The following NCAPD3 variants were observed in gnomAD, a reference collection of about 807,000 sequenced individuals.
The protein encoded by NCAPD3 is condensin-2 complex subunit D3.
NCAPD3 carries 105 observed loss-of-function variants against 182.9 expected under a neutral mutation model. That is an observed-to-expected ratio of 0.57 (90% CI 0.49 to 0.68). NCAPD3 has a LOEUF of 0.68. Among genes scored for constraint, NCAPD3 ranks in the 30% least tolerant of loss-of-function variants. The probability of loss-of-function intolerance (pLI) is 0.00; values close to 1 mark genes in which losing one functional copy is unlikely to be tolerated. For missense variants in NCAPD3, 1,944 were observed against 1,837.0 expected, an observed-to-expected ratio of 1.06 and a Z score of -1.07; for synonymous variants, 815 against 679.9, an observed-to-expected ratio of 1.20 and a Z score of -3.09.
chr11:134,188,267 T>C (rs1944452643), intron 16 of NCAPD3, among the ~76,000 whole-genome samples: 1 of 151,754 alleles, frequency 6.6e-6, no homozygotes, highest in Non-Finnish European at 1.5e-5. Flanking sequence ...AATGTACCAA[T>C]CAGCACTCTG....
At chr11:134,222,874 C>G (rs1938286285) in intron 1 of NCAPD3, among the ~76,000 whole-genome samples, 1 of 152,210 alleles carries the variant, frequency 6.6e-6, no homozygotes. Context: ...ATCTGTTCAG[C>G]AGTTATTATG....
intron 11 of NCAPD3, 82 bp from the exon 12 acceptor site, chr11:134,203,280 T>C: frequency 9.7e-7 from 1 of 1,031,570 alleles, no homozygotes; most frequent in South Asian, 1.4e-5. Context: ...AAAATCAAGA[T>C]AATTAGGCTC....
chr11:134,220,316 C>T (rs1202951136), intron 2 of NCAPD3, among the ~76,000 whole-genome samples: 3 of 151,478 alleles, frequency 2.0e-5, no homozygotes, highest in Admixed American at 1.3e-4. Flanking sequence ...ACACCACACC[C>T]GGCCTTATAC....
chr11:134,150,688 C>T lies in NCAPD3; in HGVS notation c.*2256G>A, dbSNP rs879100745. 1.3e-5 allele frequency: 2 copies of T among 151,886 alleles called. No individual in the cohort carries two copies. The highest frequency in any genetic ancestry group is 4.2e-4 in the South Asian group (2 of 4,794). 9.4% of individuals were successfully genotyped at this position (151,886 alleles called of 1,614,324 possible). On this transcript the variant is annotated 3_prime_UTR_variant, in exon 35 of 35. Coordinates refer to ENST00000534548, the MANE Select transcript of NCAPD3 (RefSeq NM_015261.3). ...AATTATTTGTTAAGATTGTCTAAGG[C>T]CAAAGGCAATTGCGAAATCAAGTCT...
rs569917317 is a variant in NCAPD3 at position 134,213,664 on chromosome 11, C to T, written c.383-3210G>A. Among the ~76,000 whole-genome samples, 43 of 151,212 alleles carry T rather than the reference C, an allele frequency of 2.8e-4. 1 individual carries two copies. In the South Asian group the frequency reaches 7.7e-3, roughly 27 times the overall value. ...AAAAGAAAAAGAAAAGCCATGACCA[C>T]GTGACAGGCAGTCTACAAGAAAACC... On this transcript the variant is annotated intron_variant, in intron 3 of 34. Transcript: ENST00000534548.
chr11:134,163,895 AAAAG>A lies in NCAPD3; in HGVS notation c.3574-2008_3574-2005del, dbSNP rs1335939957. On this transcript the variant is annotated intron_variant, in intron 27 of 34. Coordinates refer to ENST00000534548, the MANE Select transcript of NCAPD3 (RefSeq NM_015261.3). ...TCAAAAAAAAAAAAAAAAAAAAAGA[AAAAG>A]AAAGAAAGACTGCTCTGGCAGCAAG... Among the ~76,000 whole-genome samples, 387 of 146,760 alleles carry A rather than the reference AAAAG, an allele frequency of 2.6e-3. 3 individuals are homozygous for A. Among genetic ancestry groups the A allele is most frequent in the South Asian group, 0.016 (76 of 4,730 alleles).
rs1264511918 is a variant in NCAPD3, at chr11:134,152,171, T to TAACA, written c.*769_*772dup. Among the ~76,000 whole-genome samples, 2 of 152,234 alleles carry TAACA rather than the reference T, an allele frequency of 1.3e-5. No homozygotes were observed. The highest frequency in any genetic ancestry group is 4.8e-5 in the African/African-American group (2 of 41,460). Reference sequence around the variant, plus strand: ...GTTCCCCCATCATGGGAGCAGCCCTTAACAGAGGGCTGCACAAATCGGCAG... The same window carrying TAACA: ...GTTCCCCCATCATGGGAGCAGCCCTTAACAAACAGAGGGCTGCACAAATCGGCAG... On this transcript the variant is annotated 3_prime_UTR_variant, in exon 35 of 35. Coordinates refer to ENST00000534548, the MANE Select transcript of NCAPD3 (RefSeq NM_015261.3).
intron 16 of NCAPD3, among the ~76,000 whole-genome samples, chr11:134,186,862 CAA>C (rs1167840155): frequency 3.3e-5 from 5 of 152,288 alleles, no homozygotes; most frequent in East Asian, 1.9e-4. Context: ...CCACAGATGT[CAA>C]GTCTTACTAC....
chr11:134,189,532 T>C (rs1944480662), intron 16 of NCAPD3, among the ~76,000 whole-genome samples: 1 of 152,222 alleles, frequency 6.6e-6, no homozygotes, highest in Non-Finnish European at 1.5e-5. Flanking sequence ...TATTTAGAAG[T>C]ATCTTTTTTA....
chr11:134,210,317 C>A lies in NCAPD3; in HGVS notation c.520G>T (p.Gly174Trp). The change falls in exon 4 of 35, where the codon GGG becomes TGG. Residue 174 changes from glycine (G) to tryptophan (W), a missense_variant. Physicochemically the swap from Gly to Trp is radical, Grantham distance 184. Transcript: ENST00000534548. The stretch of plus-strand genomic sequence containing the variant: ...GGCTTTCCCCTTTTTCTATGCCTCC[C>A]GGGGTTAGCCTGAGAGCTCTTAGGC... ...EQPKSSQANP[G>W]RHRKRGKPPR... The A allele has an allele frequency of 1.2e-6, 2 of 1,614,108 alleles. No homozygotes were observed. The highest frequency in any genetic ancestry group is 8.5e-7 in the Non-Finnish European group (1 of 1,180,014).
chr11:134,195,844 T>C (rs558298057), intron 13 of NCAPD3, among the ~76,000 whole-genome samples: 2 of 152,304 alleles, frequency 1.3e-5, no homozygotes, highest in East Asian at 3.9e-4. Flanking sequence ...CTGCAATCTG[T>C]TGCAATTTGA....
chr11:134,163,935 G>C (rs1375016003), intron 27 of NCAPD3, among the ~76,000 whole-genome samples: 1 of 151,662 alleles, frequency 6.6e-6, no homozygotes, highest in Non-Finnish European at 1.5e-5. Context: ...GTGGTACATG[G>C]CCTGTGACAG....
In NCAPD3 at chr11:134,220,703, G is replaced by T. The variant is rs1424999369; in HGVS notation, c.88C>A (p.Leu30Met). 6.2e-7 allele frequency: 1 copy of T among 1,613,892 alleles called. No homozygotes were observed. Among genetic ancestry groups the T allele is most frequent in the Admixed American group, 1.7e-5 (1 of 60,016 alleles). Residue 30 changes from leucine (L) to methionine (M), a missense_variant, in exon 2 of 35, where the codon CTG (leucine) becomes ATG (methionine). By Grantham distance (15) the Leu-to-Met change is conservative (BLOSUM62 2). Coordinates refer to ENST00000534548, the MANE Select transcript of NCAPD3 (RefSeq NM_015261.3). Reference protein sequence around the residue: ...RLEWVDTVWELDFTETEPLDP... With the variant: ...RLEWVDTVWEMDFTETEPLDP... ...AAAGGCTCAGTCTCTGTGAAATCCAGTTCCCACACTGTGTCAACCCATTCT... is the reference window on the plus strand; with the variant it reads ...AAAGGCTCAGTCTCTGTGAAATCCATTTCCCACACTGTGTCAACCCATTCT...
chr11:134,184,231 T>C (rs1434916635), intron 19 of NCAPD3, among the ~76,000 whole-genome samples: 1 of 152,210 alleles, frequency 6.6e-6, no homozygotes, highest in Non-Finnish European at 1.5e-5. Context: ...TGTCCAAGAT[T>C]ATGACTTATC....
intron 27 of NCAPD3, among the ~76,000 whole-genome samples, chr11:134,167,610 GAT>G (rs1943884018): frequency 7.9e-6 from 1 of 127,046 alleles, no homozygotes; most frequent in Admixed American, 8.1e-5. Flanking sequence ...TCACTAGTGA[GAT>G]GAGCTTGGGG....
Position 134,181,174 on chromosome 11 carries a change from G to A in NCAPD3, c.2462C>T (p.Thr821Met), listed in dbSNP as rs527984980. 241 of 1,613,432 alleles carry A rather than the reference G, an allele frequency of 1.5e-4. 4 individuals carry two copies. In the South Asian group the frequency reaches 1.7e-3, roughly 12 times the overall value. ...GGAGAGTACATCCCCACACACCTGC[G>A]TCAGCAATTCCTACGGCAAGTCAAA... is the stretch of plus-strand genomic sequence containing the variant. ...ETPAEEQELLTQVCGDVLSTC... is the reference protein window; with the variant it reads ...ETPAEEQELLMQVCGDVLSTC... The change falls in exon 20 of 35, where the codon ACG becomes ATG. Residue 821 changes from threonine (T) to methionine (M), a missense_variant. Around this residue, in one of 3 missense-constraint regions of NCAPD3, gnomAD observed 1,803 missense variants for 1,674.6 expected, o/e 1.08. Transcript: ENST00000534548.
In NCAPD3 at chr11:134,204,871, T is replaced by A. The variant is rs761811733; in HGVS notation, c.1089+28A>T. ...TCTTCACACACGATATACTTCCATGTTATTAATATTACTAAGGCAAACAGT... is the reference window on the plus strand; with the variant it reads ...TCTTCACACACGATATACTTCCATGATATTAATATTACTAAGGCAAACAGT... On this transcript the variant is annotated intron_variant, in intron 9 of 34. Coordinates refer to ENST00000534548, the MANE Select transcript of NCAPD3 (RefSeq NM_015261.3). The surrounding 1 kb of genome is among the most constrained non-coding windows in gnomAD (Gnocchi z 4.3). The A allele has an allele frequency of 1.3e-6, 2 of 1,549,860 alleles. No individual in the cohort carries two copies. The highest frequency in any genetic ancestry group is 1.8e-6 in the Non-Finnish European group (2 of 1,122,876).
chr11:134,174,678 G>A (rs1944116521), intron 24 of NCAPD3, among the ~76,000 whole-genome samples: 2 of 152,194 alleles, frequency 1.3e-5, no homozygotes, highest in Admixed American at 6.5e-5. Context: ...ACTGTAGGTT[G>A]AATATAATAA....
At position 134,176,337 on chromosome 11, in the gene NCAPD3, G is replaced by A; in HGVS notation, c.3071C>T (p.Thr1024Ile). ...KGSLFFRFVS[T>I]LIDSHPDIAS... ...AATGTCTGGGTGTGAATCGATCAGA[G>A]TGCTGACAAATCGGAAGAACAGGGA... The change falls in exon 24 of 35, where the codon ACT becomes ATT. Residue 1024 changes from threonine (T) to isoleucine (I), a missense_variant. Coordinates refer to ENST00000534548, the MANE Select transcript of NCAPD3 (RefSeq NM_015261.3). 6.2e-7 allele frequency: 1 copy of A among 1,614,120 alleles called. No individual in the cohort carries two copies. The highest frequency in any genetic ancestry group is 8.5e-7 in the Non-Finnish European group (1 of 1,179,990).
Sources: allele counts gnomAD v4.1 joint callset (sites outside exome capture counted in the v4.1 genomes callset), GRCh38; gene constraint gnomAD v4.1.1; regional missense constraint gnomAD v4.1.1; non-coding constraint Gnocchi (gnomAD v3.1); transcripts MANE v1.5; gene names NCBI Gene and HGNC (gene_info 2026-07-23, HGNC 2026-07-21).